KAZN: variants seen among roughly 807,000 people sequenced by gnomAD.
KAZN encodes kazrin, periplakin interacting protein.
A neutral mutation model predicts 87.4 loss-of-function variants in KAZN; 40 were observed. The observed-to-expected ratio is 0.46, with a 90% confidence interval of 0.36 to 0.60. The LOEUF is 0.60. KAZN is among the 20% of genes least tolerant of loss of function. KAZN has a pLI of 0.00. For missense variants in KAZN, 898 were observed against 1,073.9 expected (o/e 0.84, Z 2.29); for synonymous variants, 466 against 458.3 (o/e 1.02, Z -0.22).
intron 2 of KAZN, among the ~76,000 whole-genome samples, chr1:14,268,364 A>G (rs574938032): frequency 2.1e-4 from 32 of 152,318 alleles, no homozygotes; most frequent in African/African-American, 7.0e-4. Flanking sequence ...ATTGAAGTTA[A>G]TAAGGTGAAA....
intron 2 of KAZN, among the ~76,000 whole-genome samples, chr1:14,481,578 G>A (rs1456400204): frequency 6.6e-6 from 1 of 152,234 alleles, no homozygotes; most frequent in African/African-American, 2.4e-5. Context: ...GCAAGAATAA[G>A]GACAAGGAAA....
At chr1:14,687,807 C>T (rs780867856) in intron 1 of KAZN, among the ~76,000 whole-genome samples, 18 of 152,162 alleles carry the variant, frequency 1.2e-4, no homozygotes, top group Admixed American at 1.3e-4. Flanking sequence ...ATGGGGCTCA[C>T]GTTGATAGGC....
In KAZN at chr1:15,094,459, G is replaced by GC; in HGVS notation, c.1428+80dup. 3.6e-6 allele frequency: 5 copies of GC among 1,378,020 alleles called. No individual in the cohort carries two copies. Among genetic ancestry groups the GC allele is most frequent in the Non-Finnish European group, 4.0e-6 (4 of 1,000,494 alleles). 85.4% of individuals were successfully genotyped at this position (1,378,020 alleles called of 1,614,324 possible). A position where few individuals can be genotyped will look rare whatever the true frequency, so the allele number is the denominator to read the frequency against. ...GCTTTACGTACCCAGAAGCTGGCCT[G>GC]CCCCCCACTCCTACCCTGGAGTCAG... is the stretch of plus-strand genomic sequence containing the variant. On this transcript the variant is annotated intron_variant, in intron 9 of 14. Coordinates refer to ENST00000376030, the MANE Select transcript of KAZN (RefSeq NM_201628.3). The surrounding 1 kb of genome is among the most constrained non-coding windows in gnomAD (Gnocchi z 4.5).
At chr1:15,018,056 C>T (rs12073996) in intron 2 of KAZN, among the ~76,000 whole-genome samples, 141 of 152,208 alleles carry the variant, frequency 9.3e-4, no homozygotes, top group Middle Eastern at 3.4e-3. Context: ...AGCCTGCAAA[C>T]TCCCTTTTCT....
chr1:14,475,794 A>T (rs1467858381), intron 2 of KAZN, among the ~76,000 whole-genome samples: 1 of 152,190 alleles, frequency 6.6e-6, no homozygotes, highest in Non-Finnish European at 1.5e-5. Flanking sequence ...ATGTGAGGCA[A>T]AGGAAAGCCC....
At chr1:14,646,145 G>A (rs1048489153) in intron 1 of KAZN, among the ~76,000 whole-genome samples, 1 of 152,162 alleles carries the variant, frequency 6.6e-6, no homozygotes, top group East Asian at 1.9e-4. Flanking sequence ...AGTGCTTTGG[G>A]TGATAGACCC....
chr1:14,834,270 A>G (rs1647147786), intron 1 of KAZN, among the ~76,000 whole-genome samples: 1 of 151,212 alleles, frequency 6.6e-6, no homozygotes, highest in Non-Finnish European at 1.5e-5. Context: ...TCCTGACCTC[A>G]GGCGATCCAC....
At chr1:14,015,119 T>A (rs1297652964) in intron 1 of KAZN, among the ~76,000 whole-genome samples, 1 of 152,198 alleles carries the variant, frequency 6.6e-6, no homozygotes, top group African/African-American at 2.4e-5. Flanking sequence ...AATCCACATT[T>A]TAACACAGAT....
chr1:15,048,070 G>A (rs923783735), intron 4 of KAZN, among the ~76,000 whole-genome samples: 2 of 152,230 alleles, frequency 1.3e-5, no homozygotes, highest in Non-Finnish European at 2.9e-5. Flanking sequence ...TGGGAAAGCA[G>A]GTATTGGGGA....
intron 2 of KAZN, among the ~76,000 whole-genome samples, chr1:14,577,036 T>A (rs1223741622): frequency 6.6e-6 from 1 of 152,222 alleles, no homozygotes; most frequent in African/African-American, 2.4e-5. Context: ...CAGCTACTGG[T>A]GCTACTGATT....
intron 13 of KAZN, among the ~76,000 whole-genome samples, chr1:15,110,152 T>C (rs1016770098): frequency 1.7e-4 from 26 of 150,510 alleles, no homozygotes; most frequent in African/African-American, 6.1e-4. Flanking sequence ...TGTGTATGTG[T>C]GTGCATATGT....
At position 15,049,430 on chromosome 1, in the gene KAZN, T is replaced by C. The variant is rs139864479; in HGVS notation, c.726+5271T>C. Among the ~76,000 whole-genome samples, 397 of 152,308 alleles carry C rather than the reference T, an allele frequency of 2.6e-3. 1 individual carries two copies. The highest frequency in any genetic ancestry group is 8.6e-3 in the African/African-American group (356 of 41,560). On this transcript the variant is annotated intron_variant, in intron 4 of 14. Transcript: ENST00000376030. ...GCTGCCCTGTGCTCTGTAGGGTGTG[T>C]GGCAGCTTCCCTGGCCTCCACCCAC...
At position 14,913,330 on chromosome 1, in the gene KAZN, C is replaced by T. The variant is rs185724458; in HGVS notation, c.227-47354C>T. On this transcript the variant is annotated intron_variant, in intron 1 of 14. Transcript: ENST00000376030. The stretch of plus-strand genomic sequence containing the variant: ...GTCTTTAAAAACAAAAAGAAGGCAG[C>T]GCCTTTCGCATTTATCCAAACACAT... 1.9e-3 allele frequency among the ~76,000 whole-genome samples: 287 copies of T among 152,326 alleles called. No individual in the cohort carries two copies. In the South Asian group the frequency reaches 0.024, roughly 13 times the overall value.
At chr1:14,131,763 T>TGA (rs1264955075) in intron 1 of KAZN, among the ~76,000 whole-genome samples, 1 of 152,108 alleles carries the variant, frequency 6.6e-6, no homozygotes, top group East Asian at 1.9e-4. Context: ...AGGTGAGGCT[T>TGA]GATTCAGGGC....
intron 2 of KAZN, among the ~76,000 whole-genome samples, chr1:14,372,157 T>A (rs1272344046): frequency 6.6e-6 from 1 of 152,208 alleles, no homozygotes; most frequent in Non-Finnish European, 1.5e-5. Context: ...CGAGTTTGTA[T>A]CAAAGATTGT....
intron 1 of KAZN, among the ~76,000 whole-genome samples, chr1:14,603,296 T>C (rs1052380837): frequency 6.6e-6 from 1 of 152,228 alleles, no homozygotes; most frequent in Non-Finnish European, 1.5e-5. Flanking sequence ...ATCTCGGGCC[T>C]TCTGTTAGCT....
intron 1 of KAZN, among the ~76,000 whole-genome samples, chr1:14,703,145 T>C (rs960932107): frequency 1.3e-5 from 2 of 152,212 alleles, no homozygotes; most frequent in African/African-American, 4.8e-5. Context: ...TTGAGAGTAC[T>C]CCCTGAAAAC....
intron 2 of KAZN, among the ~76,000 whole-genome samples, chr1:14,962,763 A>G (rs1327630488): frequency 6.6e-6 from 1 of 152,156 alleles, no homozygotes. Flanking sequence ...GACCAGGTAC[A>G]GGATTCTCAC....
At chr1:15,053,135 G>A (rs563729993) in intron 4 of KAZN, among the ~76,000 whole-genome samples, 3 of 152,342 alleles carry the variant, frequency 2.0e-5, no homozygotes, top group South Asian at 4.1e-4. Flanking sequence ...CGCACTTTCT[G>A]GGCAGCCAGA....
Sources: gnomAD v4.1 joint callset for allele counts (sites outside exome capture counted in the v4.1 genomes callset) on GRCh38, gnomAD v4.1.1 for gene constraint, Gnocchi (gnomAD v3.1) non-coding constraint, MANE v1.5 for transcripts, NCBI Gene and HGNC (gene_info 2026-07-23, HGNC 2026-07-21) for gene names.